AFG1L: variants seen among roughly 807,000 people sequenced by gnomAD.
AFG1L encodes the protein AFG1-like ATPase.
AFG1L carries 53 observed loss-of-function variants against 62.2 expected under a neutral mutation model. The observed-to-expected ratio is 0.85, with a 90% CI of 0.68 to 1.07. The LOEUF is 1.07. Among genes scored for constraint, AFG1L ranks in the 50% least tolerant of loss-of-function variants. The probability of loss-of-function intolerance (pLI) is 0.00; values close to 1 mark genes in which losing one functional copy is unlikely to be tolerated. For synonymous variants in AFG1L, 228 were observed against 210.3 expected, an observed-to-expected ratio of 1.08 and a Z score of -0.73; for missense variants, 555 against 590.5, an observed-to-expected ratio of 0.94 and a Z score of 0.62.
At chr6:108,395,165 T>A (rs1481958196) in intron 6 of AFG1L, among the ~76,000 whole-genome samples, 2 of 152,170 alleles carry the variant, frequency 1.3e-5, no homozygotes, top group African/African-American at 4.8e-5. Context: ...AATACTTTGC[T>A]TACTATAATG....
chr6:108,388,502 C>T (rs1393677700), intron 6 of AFG1L, among the ~76,000 whole-genome samples: 27 of 152,292 alleles, frequency 1.8e-4, no homozygotes, highest in Admixed American at 1.4e-3. Flanking sequence ...CTGCTTTCTC[C>T]TGTGGGCATT....
chr6:108,309,928 A>G (rs892690602), intron 1 of AFG1L, among the ~76,000 whole-genome samples: 1 of 152,148 alleles, frequency 6.6e-6, no homozygotes, highest in Non-Finnish European at 1.5e-5. Context: ...TTACTGTTTC[A>G]TGGATGTTGG....
rs1054937674 is a variant in AFG1L, at chr6:108,465,556, A to T, written c.891-11309A>T. Among the ~76,000 whole-genome samples, 4 of 152,234 alleles carry T rather than the reference A, an allele frequency of 2.6e-5. No individual in the cohort carries two copies. The East Asian group carries it at 7.7e-4, about 29-fold the overall frequency. ...CTTCTTTAGAGCCTCACAAGCATGG[A>T]TATATTTCTGAATAGAGATTTTTAG... On this transcript the variant is annotated intron_variant, in intron 8 of 12. Transcript: ENST00000368977.
chr6:108,397,324 C>T (rs963553966), intron 6 of AFG1L, among the ~76,000 whole-genome samples: 5 of 152,222 alleles, frequency 3.3e-5, no homozygotes, highest in Admixed American at 2.6e-4. Context: ...GACAGGATTT[C>T]ACTATGTTGG....
At chr6:108,340,463 A>C (rs1163383848) in intron 2 of AFG1L, among the ~76,000 whole-genome samples, 1 of 151,212 alleles carries the variant, frequency 6.6e-6, no homozygotes, top group East Asian at 2.0e-4. Context: ...TCCCAATTTC[A>C]AGCGATTCTC....
At chr6:108,306,114 G>C (rs1429511914) in intron 1 of AFG1L, among the ~76,000 whole-genome samples, 2 of 152,148 alleles carry the variant, frequency 1.3e-5, no homozygotes, top group African/African-American at 4.8e-5. Context: ...ATATTGGCCA[G>C]GCTAGCCTTG....
intron 2 of AFG1L, among the ~76,000 whole-genome samples, chr6:108,334,172 A>G (rs1778387229): frequency 6.6e-6 from 1 of 151,982 alleles, no homozygotes; most frequent in South Asian, 2.1e-4. Context: ...ACGCCTGGCT[A>G]ATTTTTGTAT....
At position 108,439,923 on chromosome 6, in the gene AFG1L, C is replaced by A. The variant is rs150954456; in HGVS notation, c.808-7291C>A. Among the ~76,000 whole-genome samples, 254 of 152,138 alleles carry A rather than the reference C, an allele frequency of 1.7e-3. 2 individuals are homozygous for A. The highest frequency in any genetic ancestry group is 0.014 in the East Asian group (74 of 5,154). On this transcript the variant is annotated intron_variant, in intron 7 of 12. Coordinates refer to ENST00000368977, the MANE Select transcript of AFG1L (RefSeq NM_145315.5). ...TAGCAAAAAAAGTTAGTACAGTATG[C>A]AATTAAGCTTTTCTGTATTTAAGTG...
chr6:108,391,878 T>C (rs572047425), intron 6 of AFG1L, among the ~76,000 whole-genome samples: 2 of 152,312 alleles, frequency 1.3e-5, no homozygotes, highest in African/African-American at 4.8e-5. Context: ...CAGCGTACAG[T>C]ACAAGGCTCA....
chr6:108,441,712 A>AAAT lies in AFG1L; in HGVS notation c.808-5501_808-5500insATA, dbSNP rs1401294615. 7.8e-4 allele frequency among the ~76,000 whole-genome samples: 109 copies of AAAT among 139,486 alleles called. 2 individuals are homozygous for AAAT. The highest frequency in any genetic ancestry group is 2.5e-3 in the African/African-American group (89 of 35,434). 91.5% of individuals were successfully genotyped at this position (139,486 alleles called of 152,430 possible). ...ATCTGAGGTTTATTTAAAAAAAAAA[A>AAAT]ATATATATATATATATATAAACTGA... On this transcript the variant is annotated intron_variant, in intron 7 of 12. Coordinates refer to ENST00000368977, the MANE Select transcript of AFG1L (RefSeq NM_145315.5).
chr6:108,477,869 G>C (rs1231140342), intron 10 of AFG1L, among the ~76,000 whole-genome samples: 1 of 152,192 alleles, frequency 6.6e-6, no homozygotes. Flanking sequence ...CTTGACTGCA[G>C]ATTCATTATA....
intron 2 of AFG1L, 30 bp from the exon 3 acceptor site, chr6:108,346,958 A>G (rs912181702): frequency 5.9e-6 from 9 of 1,535,514 alleles, no homozygotes; most frequent in Non-Finnish European, 7.2e-6. Flanking sequence ...TTTGCATGGT[A>G]GAGATTTATA....
chr6:108,429,509 T>C (rs1158051974), intron 7 of AFG1L, among the ~76,000 whole-genome samples: 1 of 152,206 alleles, frequency 6.6e-6, no homozygotes, highest in East Asian at 1.9e-4. Context: ...TTATGGGAGC[T>C]ACAATTCAAG....
intron 2 of AFG1L, among the ~76,000 whole-genome samples, chr6:108,334,425 G>A (rs541839649): frequency 9.2e-5 from 14 of 151,660 alleles, no homozygotes; most frequent in Admixed American, 5.3e-4. Flanking sequence ...GGTGTGGTGC[G>A]TCATGCCTGT....
In AFG1L at chr6:108,513,548, C is replaced by T. The variant is rs137985388; in HGVS notation, c.1203+3196C>T. Reference sequence around the variant, plus strand: ...AGCAGTCTGAGATCAAACTGCAAGGCGGCAGCGAGGATGGTGGAGGGGCGC... The same window carrying T: ...AGCAGTCTGAGATCAAACTGCAAGGTGGCAGCGAGGATGGTGGAGGGGCGC... On this transcript the variant is annotated intron_variant, in intron 11 of 12. Coordinates refer to ENST00000368977, the MANE Select transcript of AFG1L (RefSeq NM_145315.5). 8.8e-3 allele frequency among the ~76,000 whole-genome samples: 1,347 copies of T among 152,238 alleles called. 29 individuals carry two copies. Among genetic ancestry groups the T allele is most frequent in the African/African-American group, 0.03 (1,227 of 41,540 alleles).
At chr6:108,409,584 A>C (rs1210780337) in intron 7 of AFG1L, among the ~76,000 whole-genome samples, 1 of 152,212 alleles carries the variant, frequency 6.6e-6, no homozygotes, top group Non-Finnish European at 1.5e-5. Flanking sequence ...AGAGAAATTA[A>C]AGTAGTCATG....
chr6:108,446,052 ACACACACACAC>A (rs1308007820), intron 7 of AFG1L, among the ~76,000 whole-genome samples: 17 of 524 alleles, frequency 0.032, no homozygotes, highest in African/African-American at 0.04. Flanking sequence ...ATGTAGAGAT[ACACACACACAC>A]ACACACACAC....
At chr6:108,442,521 T>C (rs989298139) in intron 7 of AFG1L, among the ~76,000 whole-genome samples, 13 of 152,062 alleles carry the variant, frequency 8.5e-5, no homozygotes, top group Admixed American at 1.3e-4. Flanking sequence ...GGGATATCTG[T>C]ATAGAGACTC....
chr6:108,381,028 A>G (rs1362472310), intron 6 of AFG1L, among the ~76,000 whole-genome samples: 1 of 152,206 alleles, frequency 6.6e-6, no homozygotes, highest in South Asian at 2.1e-4. Context: ...GTTTATCTTT[A>G]TATACTATCT....
Sources: allele counts gnomAD v4.1 joint callset (sites outside exome capture counted in the v4.1 genomes callset), GRCh38; gene constraint gnomAD v4.1.1; transcripts MANE v1.5; gene names NCBI Gene and HGNC (gene_info 2026-07-23, HGNC 2026-07-21).